The following GPCPD1 variants were observed in gnomAD, a reference collection of about 807,000 sequenced individuals.
The protein encoded by GPCPD1 is glycerophosphocholine phosphodiesterase GPCPD1.
A neutral mutation model predicts 89.2 loss-of-function variants in GPCPD1; 29 were observed. The observed-to-expected ratio is 0.33, with a 90% CI of 0.24 to 0.44. GPCPD1 has a LOEUF of 0.44. GPCPD1 is among the 20% of genes least tolerant of loss of function. The probability of loss-of-function intolerance (pLI) is 1.00; values close to 1 mark genes in which losing one functional copy is unlikely to be tolerated. For missense variants in GPCPD1, 594 were observed against 808.9 expected (o/e 0.73, Z 3.22); for synonymous variants, 258 against 266.3 (o/e 0.97, Z 0.30).
chr20:5,580,630 G>T lies in GPCPD1; in HGVS notation c.350-499C>A, dbSNP rs574535076. On this transcript the variant is annotated intron_variant, in intron 6 of 19. Transcript: ENST00000379019. ...AGTCCCAGCTGCTTGGGAGGCTGAG[G>T]CAGGAGAATGGCGTGAACCCAGGAG... is the stretch of plus-strand genomic sequence containing the variant. Among the ~76,000 whole-genome samples the T allele has an allele frequency of 2.0e-5, 3 of 151,372 alleles. No homozygotes were observed. The East Asian group carries it at 6.0e-4, about 30-fold the overall frequency.
At chr20:5,597,863 C>T (rs900451959) in intron 3 of GPCPD1, among the ~76,000 whole-genome samples, 1 of 152,196 alleles carries the variant, frequency 6.6e-6, no homozygotes, top group African/African-American at 2.4e-5. Flanking sequence ...TTCAATGCCA[C>T]TAGTGAATAC....
In GPCPD1 at chr20:5,547,300, T is replaced by G. The variant is rs1985075980; in HGVS notation, c.*361A>C. The G allele has an allele frequency of 6.5e-6, 1 of 153,734 alleles. No homozygotes were observed. The highest frequency in any genetic ancestry group is 1.5e-5 in the Non-Finnish European group (1 of 68,796). The allele number at this position is 153,734 out of a possible 1,614,324, so 9.5% of individuals were successfully genotyped here. A position where few individuals can be genotyped will look rare whatever the true frequency, so the allele number is the denominator to read the frequency against. Reference sequence around the variant, plus strand: ...GTCATTTTCCTTAAGTGCTAAAGATTTCAGACCTGATCAAATGAAAAGCTG... The same window carrying G: ...GTCATTTTCCTTAAGTGCTAAAGATGTCAGACCTGATCAAATGAAAAGCTG... On this transcript the variant is annotated 3_prime_UTR_variant, in exon 20 of 20. Transcript: ENST00000379019.
At chr20:5,607,676 C>T (rs191414303) in intron 1 of GPCPD1, among the ~76,000 whole-genome samples, 9 of 151,580 alleles carry the variant, frequency 5.9e-5, no homozygotes, top group Non-Finnish European at 1.2e-4. Context: ...GTAAACATGG[C>T]GGCCAGGTGT....
At chr20:5,598,699 C>T in intron 3 of GPCPD1, 26 bp downstream of exon 3, 1 of 1,324,990 alleles carries the variant, frequency 7.5e-7, no homozygotes, top group Non-Finnish European at 1.1e-6. Context: ...CACAGTTATT[C>T]TGTAACCTCA....
intron 12 of GPCPD1, among the ~76,000 whole-genome samples, chr20:5,569,709 C>T (rs536303062): frequency 6.6e-6 from 1 of 152,148 alleles, no homozygotes; most frequent in Non-Finnish European, 1.5e-5. Context: ...TGAGTCTAAA[C>T]CTCTTCACTG....
chr20:5,561,635 T>A, intron 15 of GPCPD1, 105 bp from the exon 16 acceptor site: 1 of 598,052 alleles, frequency 1.7e-6, no homozygotes, highest in Non-Finnish European at 2.9e-6. Flanking sequence ...AATTTATCAT[T>A]AGTAGCAATA....
intron 1 of GPCPD1, among the ~76,000 whole-genome samples, 175 bp from the exon 2 acceptor site, chr20:5,604,615 G>GA (rs1555810986): frequency 2.6e-5 from 2 of 77,996 alleles, no homozygotes; most frequent in African/African-American, 1.1e-4. Context: ...TTAGTGCGGG[G>GA]GGGGGGGGGC....
chr20:5,601,517 C>T (rs936628498), intron 2 of GPCPD1, among the ~76,000 whole-genome samples: 7 of 151,886 alleles, frequency 4.6e-5, no homozygotes, highest in African/African-American at 1.7e-4. Flanking sequence ...TACAGGCACG[C>T]ACCATCATGC....
rs771757667 is a variant in GPCPD1, at chr20:5,584,276, C to T, written c.349+5G>A. The stretch of plus-strand genomic sequence containing the variant: ...TAAACATTTAAGTAAGTCAGTCTCA[C>T]TTACTGTGGATTCCAAATTGTCCAT... On this transcript the variant is annotated splice_donor_5th_base_variant and intron_variant, in intron 6 of 19. Coordinates refer to ENST00000379019, the MANE Select transcript of GPCPD1 (RefSeq NM_019593.5). 1 of 1,336,468 alleles carries T rather than the reference C, an allele frequency of 7.5e-7. No homozygotes were observed. Among genetic ancestry groups the T allele is most frequent in the Non-Finnish European group, 1.1e-6 (1 of 932,854 alleles). 82.8% of individuals were successfully genotyped at this position (1,336,468 alleles called of 1,614,324 possible). A position where few individuals can be genotyped will look rare whatever the true frequency, so the allele number is the denominator to read the frequency against.
At chr20:5,573,820 G>C in intron 11 of GPCPD1, 95 bp downstream of exon 11, 1 of 788,148 alleles carries the variant, frequency 1.3e-6, no homozygotes, top group African/African-American at 1.7e-5. Context: ...TAAATGCCAA[G>C]AGATATTCCC....
At chr20:5,561,591 C>T (rs1280814704) in intron 15 of GPCPD1, 61 bp from the exon 16 acceptor site, 2 of 740,238 alleles carry the variant, frequency 2.7e-6, no homozygotes, top group African/African-American at 1.8e-5. Flanking sequence ...AATAAGAAAA[C>T]AAAAAAAATA....
chr20:5,557,526 TAAG>T (rs900965820), intron 19 of GPCPD1, among the ~76,000 whole-genome samples: 5 of 152,230 alleles, frequency 3.3e-5, no homozygotes, highest in African/African-American at 9.6e-5. Flanking sequence ...AGGAAGACTG[TAAG>T]AGGAACAGGT....
At chr20:5,581,813 ACT>A (rs1978506800) in intron 6 of GPCPD1, among the ~76,000 whole-genome samples, 1 of 82,808 alleles carries the variant, frequency 1.2e-5, no homozygotes, top group Non-Finnish European at 2.2e-5. Flanking sequence ...TGGGACTTTA[ACT>A]TTTTTTTTTT....
At chr20:5,598,620 A>T in intron 3 of GPCPD1, 105 bp downstream of exon 3, 1 of 675,978 alleles carries the variant, frequency 1.5e-6, no homozygotes, top group Non-Finnish European at 2.6e-6. Context: ...GATAATGTTG[A>T]TAAAAATTAT....
intron 19 of GPCPD1, chr20:5,549,377 A>G: frequency 8.2e-7 from 1 of 1,217,828 alleles, no homozygotes; most frequent in African/African-American, 1.5e-5. Flanking sequence ...GAGGGTATAC[A>G]AGGAAAGGTT....
chr20:5,559,978 T>G lies in GPCPD1; in HGVS notation c.1494A>C (p.Arg498Ser). The change falls in exon 17 of 20, where the codon AGA becomes AGC. Residue 498 changes from arginine (R) to serine (S), a missense_variant. Transcript: ENST00000379019. Reference protein sequence around the residue: ...KTVLENSGKRRIVFSSFDADI... With the variant: ...KTVLENSGKRSIVFSSFDADI... Reference sequence around the variant, plus strand: ...CTGCATCAAATGAAGAAAACACTATTCTCCTCTTCCCAGAATTTTCTAAAA... The same window carrying G: ...CTGCATCAAATGAAGAAAACACTATGCTCCTCTTCCCAGAATTTTCTAAAA... The G allele has an allele frequency of 6.4e-7, 1 of 1,561,416 alleles. No individual in the cohort carries two copies. Among genetic ancestry groups the G allele is most frequent in the Non-Finnish European group, 8.7e-7 (1 of 1,145,970 alleles).
At chr20:5,593,850 C>T (rs1240393611) in intron 3 of GPCPD1, among the ~76,000 whole-genome samples, 5 of 152,166 alleles carry the variant, frequency 3.3e-5, no homozygotes, top group Non-Finnish European at 7.3e-5. Context: ...TCCCACTTAG[C>T]GAGGGATGTT....
chr20:5,554,318 T>C (rs1985622817), intron 19 of GPCPD1, among the ~76,000 whole-genome samples: 1 of 152,068 alleles, frequency 6.6e-6, no homozygotes, highest in South Asian at 2.1e-4. Context: ...AAAACAGCCT[T>C]CTATTGGAAG....
At chr20:5,576,695 A>T (rs1051549426) in intron 8 of GPCPD1, among the ~76,000 whole-genome samples, 1 of 152,168 alleles carries the variant, frequency 6.6e-6, no homozygotes, top group African/African-American at 2.4e-5. Flanking sequence ...TGAATTTTTA[A>T]CATATTCTCT....
Sources: allele counts gnomAD v4.1 joint callset (sites outside exome capture counted in the v4.1 genomes callset), GRCh38; gene constraint gnomAD v4.1.1; transcripts MANE v1.5; gene names NCBI Gene and HGNC (gene_info 2026-07-23, HGNC 2026-07-21).